Variants in ARFGEF3 observed in about 807,000 individuals in gnomAD.
The protein encoded by ARFGEF3 is ARFGEF family member 3, also known as brefeldin A-inhibited guanine nucleotide-exchange protein 3.
Under a neutral mutation model 221.7 loss-of-function variants are expected in ARFGEF3, and 96 were observed. That is an observed-to-expected ratio of 0.43 (90% CI 0.37 to 0.51). The LOEUF (loss-of-function observed/expected upper bound fraction) is 0.51. Among genes scored for constraint, ARFGEF3 ranks in the 20% least tolerant of loss-of-function variants. The pLI, the probability that ARFGEF3 is intolerant of heterozygous loss-of-function variation, is 0.00. For synonymous variants in ARFGEF3, 1,145 were observed against 1,126.8 expected (o/e 1.02, Z -0.32); for missense variants, 2,410 against 2,789.9 (o/e 0.86, Z 3.07).
intron 17 of ARFGEF3, among the ~76,000 whole-genome samples, chr6:138,289,242 C>T (rs1170694483): frequency 2.0e-5 from 3 of 152,166 alleles, no homozygotes; most frequent in Non-Finnish European, 4.4e-5. Flanking sequence ...TGTGAGCCAC[C>T]ACACCCAGGC....
chr6:138,297,147 G>C (rs1457279574), intron 21 of ARFGEF3, among the ~76,000 whole-genome samples, 192 bp downstream of exon 21: 1 of 152,162 alleles, frequency 6.6e-6, no homozygotes, highest in Non-Finnish European at 1.5e-5. Flanking sequence ...TCACCCCAAA[G>C]GGCAGTACTA....
At chr6:138,195,925 CAT>C (rs1562349438) in intron 2 of ARFGEF3, among the ~76,000 whole-genome samples, 1 of 144,814 alleles carries the variant, frequency 6.9e-6, no homozygotes, top group Non-Finnish European at 1.5e-5. Flanking sequence ...GTAAAATTGA[CAT>C]GTGGGAGATA....
chr6:138,173,142 G>T (rs974612351), intron 2 of ARFGEF3, among the ~76,000 whole-genome samples: 3 of 151,496 alleles, frequency 2.0e-5, no homozygotes, highest in Admixed American at 6.6e-5. Flanking sequence ...TGTTAAAGAA[G>T]AGTTCACCTT....
At chr6:138,278,070 A>AG (rs1779128713) in intron 12 of ARFGEF3, among the ~76,000 whole-genome samples, 1 of 152,106 alleles carries the variant, frequency 6.6e-6, no homozygotes, top group Admixed American at 6.6e-5. Context: ...AGAGGGAGAG[A>AG]GGAGGGTGAG....
chr6:138,168,035 A>C (rs1469921213), intron 1 of ARFGEF3, among the ~76,000 whole-genome samples: 1 of 152,092 alleles, frequency 6.6e-6, no homozygotes, highest in Non-Finnish European at 1.5e-5. Context: ...TCAGTTACTC[A>C]GCTACACTGT....
At position 138,334,116 on chromosome 6, in the gene ARFGEF3, G is replaced by T. The variant is rs756832185; in HGVS notation, c.5270G>T (p.Gly1757Val). The change falls in exon 33 of 34, where the codon GGC becomes GTC. Residue 1757 changes from glycine to valine, a missense_variant. By Grantham distance (109) the Gly-to-Val change is moderately radical (BLOSUM62 -3). This residue lies in a region of ARFGEF3 where 723 missense variants were observed against 991.9 expected (regional missense o/e 0.73). Coordinates refer to ENST00000251691, the MANE Select transcript of ARFGEF3 (RefSeq NM_020340.5). The surrounding 1 kb of genome is among the most constrained non-coding windows in gnomAD (Gnocchi z 5.1). Reference protein sequence around the residue: ...TIQVPEAKLAGFLRYISMQNL... With the variant: ...TIQVPEAKLAVFLRYISMQNL... ...CAAGTGCCAGAAGCCAAGCTGGCTG[G>T]CTTCCTCAGATACATCTCTATGCAG... The T allele has an allele frequency of 1.9e-6, 3 of 1,613,840 alleles. No individual in the cohort carries two copies. Among genetic ancestry groups the T allele is most frequent in the Non-Finnish European group, 2.5e-6 (3 of 1,179,906 alleles).
chr6:138,323,488 G>A (rs1000726197), intron 29 of ARFGEF3, among the ~76,000 whole-genome samples, 183 bp from the exon 30 acceptor site: 33 of 152,130 alleles, frequency 2.2e-4, no homozygotes, highest in Admixed American at 4.6e-4. Context: ...GCGCATGCCT[G>A]TAATCCCAGC....
intron 2 of ARFGEF3, among the ~76,000 whole-genome samples, chr6:138,184,121 G>C (rs1171959628): frequency 3.3e-5 from 5 of 151,920 alleles, no homozygotes; most frequent in Non-Finnish European, 7.4e-5. Context: ...TTAAAATTTG[G>C]ATTGTATCTA....
At chr6:138,290,581 A>C (rs1484743042) in intron 18 of ARFGEF3, among the ~76,000 whole-genome samples, 2 of 152,232 alleles carry the variant, frequency 1.3e-5, no homozygotes, top group Non-Finnish European at 2.9e-5. Context: ...ATAGCTCCAG[A>C]GTCCAAGTCC....
At chr6:138,296,580 T>C (rs1779524145) in intron 20 of ARFGEF3, among the ~76,000 whole-genome samples, 1 of 152,128 alleles carries the variant, frequency 6.6e-6, no homozygotes, top group Non-Finnish European at 1.5e-5. Context: ...TGATCATACC[T>C]GTCACGTCCC....
chr6:138,234,300 C>A (rs1307976003), intron 5 of ARFGEF3, among the ~76,000 whole-genome samples: 1 of 152,106 alleles, frequency 6.6e-6, no homozygotes, highest in South Asian at 2.1e-4. Flanking sequence ...GCCAAGAAGA[C>A]CATAGAGGAG....
At chr6:138,308,654 G>A in intron 23 of ARFGEF3, 85 bp from the exon 24 acceptor site, 1 of 1,423,280 alleles carries the variant, frequency 7.0e-7, no homozygotes, top group Non-Finnish European at 9.8e-7. Flanking sequence ...CTGTCTCAGT[G>A]GAACGTGCTG....
chr6:138,293,510 C>T (rs1779451134), intron 19 of ARFGEF3, among the ~76,000 whole-genome samples: 1 of 152,164 alleles, frequency 6.6e-6, no homozygotes, highest in Non-Finnish European at 1.5e-5. Flanking sequence ...TGAGGCCAGT[C>T]CCCGCCCTGG....
rs1778829412 is a variant in ARFGEF3, at chr6:138,263,443, C to T, written c.1960C>T (p.Arg654Ter). Reference protein sequence around the residue: ...PRDCLGHRSLRTAALSLKLLK... With the variant: ...PRDCLGHRSL ...GGACTGCCTAGGCCACCGGTCCCTG[C>T]GAACTGCCGCCCTGTCTCTAAAACT... The change falls in exon 12 of 34, where the codon CGA (arginine) becomes TGA (stop). Residue 654 changes from arginine to a stop codon, truncating the protein, a stop_gained. Coordinates refer to ENST00000251691, the MANE Select transcript of ARFGEF3 (RefSeq NM_020340.5). LOFTEE classifies it high-confidence loss of function. The T allele has an allele frequency of 1.9e-6, 3 of 1,613,952 alleles. No homozygotes were observed. Among genetic ancestry groups the T allele is most frequent in the East Asian group, 2.2e-5 (1 of 44,882 alleles).
intron 8 of ARFGEF3, among the ~76,000 whole-genome samples, chr6:138,251,421 C>T (rs1410766983): frequency 1.3e-5 from 2 of 152,144 alleles, no homozygotes; most frequent in Non-Finnish European, 2.9e-5. Context: ...GCAATCCTTC[C>T]AGAAGTGATT....
At chr6:138,210,168 T>G (rs1037415414) in intron 4 of ARFGEF3, 127 bp downstream of exon 4, 6 of 881,924 alleles carry the variant, frequency 6.8e-6, no homozygotes, top group African/African-American at 3.4e-5. Flanking sequence ...GAACGGATGC[T>G]TGTTATTCTT....
chr6:138,301,630 C>T lies in ARFGEF3; in HGVS notation c.3828+2845C>T, dbSNP rs893473912. ...GGATATCAGAGATTCATAGAGGGACCAGATAGTCTGTTCACACATCCCTGG... is the reference window on the plus strand; with the variant it reads ...GGATATCAGAGATTCATAGAGGGACTAGATAGTCTGTTCACACATCCCTGG... On this transcript the variant is annotated intron_variant, in intron 22 of 33. Transcript: ENST00000251691. 2.0e-5 allele frequency among the ~76,000 whole-genome samples: 3 copies of T among 152,278 alleles called. No individual in the cohort carries two copies. In the East Asian group the frequency reaches 5.8e-4, roughly 29 times the overall value.
chr6:138,265,195 G>A (rs780114322), intron 12 of ARFGEF3, among the ~76,000 whole-genome samples: 12 of 152,192 alleles, frequency 7.9e-5, no homozygotes, highest in South Asian at 2.1e-4. Context: ...GAGCCACTGC[G>A]CCCGGCTGGA....
chr6:138,319,226 G>A (rs1463757644), intron 27 of ARFGEF3, among the ~76,000 whole-genome samples: 2 of 149,640 alleles, frequency 1.3e-5, no homozygotes, highest in Non-Finnish European at 3.0e-5. Context: ...GAGTAGGTGA[G>A]ATTACAGGTG....
Sources: gnomAD v4.1 joint callset for allele counts (sites outside exome capture counted in the v4.1 genomes callset) on GRCh38, gnomAD v4.1.1 for gene constraint, gnomAD v4.1.1 regional missense constraint, Gnocchi (gnomAD v3.1) non-coding constraint, MANE v1.5 for transcripts, NCBI Gene and HGNC (gene_info 2026-07-23, HGNC 2026-07-21) for gene names.